Variants in GOPC observed in about 807,000 individuals in gnomAD.
GOPC encodes the protein golgi associated PDZ and coiled-coil motif containing, also known as Golgi-associated PDZ and coiled-coil motif-containing protein.
GOPC carries 32 observed loss-of-function variants against 51.2 expected under a neutral mutation model. The observed-to-expected ratio is 0.63, with a 90% CI of 0.47 to 0.84. GOPC has a LOEUF of 0.84. Among genes scored for constraint, GOPC ranks in the 40% least tolerant of loss-of-function variants. The pLI is 0.00. For missense variants in GOPC, 441 were observed against 555.5 expected (o/e 0.79, Z 2.07); for synonymous variants, 190 against 205.1 (o/e 0.93, Z 0.63).
chr6:117,589,572 A>T (rs1395567411), intron 1 of GOPC, among the ~76,000 whole-genome samples: 3 of 151,978 alleles, frequency 2.0e-5, no homozygotes, highest in Admixed American at 2.0e-4. Flanking sequence ...CGCCCACCTC[A>T]GCTTCCCAAA....
intron 1 of GOPC, among the ~76,000 whole-genome samples, chr6:117,584,879 C>A (rs1780007693): frequency 6.6e-6 from 1 of 151,494 alleles, no homozygotes; most frequent in African/African-American, 2.4e-5. Flanking sequence ...GTGACCTCCC[C>A]CACCTTACTC....
At position 117,569,749 on chromosome 6, in the gene GOPC, A is replaced by G. The variant is rs749883560; in HGVS notation, c.913-13T>C. ...GTTCTTTCCCACCCTAACAACAACAAAGGGCAGTAAATTAAAGTACTCTTT... is the reference window on the plus strand; with the variant it reads ...GTTCTTTCCCACCCTAACAACAACAGAGGGCAGTAAATTAAAGTACTCTTT... On this transcript the variant is annotated splice_polypyrimidine_tract_variant and intron_variant, in intron 6 of 8. Transcript: ENST00000368498. 5.1e-6 allele frequency: 8 copies of G among 1,563,388 alleles called. No individual in the cohort carries two copies. The Admixed American group carries it at 1.5e-4, about 29-fold the overall frequency.
intron 3 of GOPC, 112 bp downstream of exon 3, chr6:117,577,336 C>A: frequency 1.0e-6 from 1 of 959,166 alleles, no homozygotes; most frequent in Non-Finnish European, 1.6e-6. Flanking sequence ...AAAAAATTGC[C>A]ATTATTAATG....
Position 117,600,913 on chromosome 6 carries a change from A to G in GOPC, c.285+1091T>C, listed in dbSNP as rs1771994252. 1.3e-5 allele frequency among the ~76,000 whole-genome samples: 2 copies of G among 152,348 alleles called. 1 individual carries two copies. Among genetic ancestry groups the G allele is most frequent in the African/African-American group, 4.8e-5 (2 of 41,590 alleles). On this transcript the variant is annotated intron_variant, in intron 1 of 8. Transcript: ENST00000368498. ...TTGGATATGTAAATCTATGTTAATC[A>G]AAGATTAATTATGCCACATATTTCA... is the stretch of plus-strand genomic sequence containing the variant.
At chr6:117,568,026 C>CAAAAAAAAAAA (rs779227271) in intron 7 of GOPC, among the ~76,000 whole-genome samples, 1 of 46,660 alleles carries the variant, frequency 2.1e-5, no homozygotes. Flanking sequence ...CCCATCTCTA[C>CAAAAAAAAAAA]AAAAAAAAAA....
intron 3 of GOPC, among the ~76,000 whole-genome samples, chr6:117,576,581 TTTC>T (rs1779883581): frequency 1.3e-5 from 2 of 152,240 alleles, no homozygotes; most frequent in Admixed American, 1.3e-4. Flanking sequence ...GATTACCTAC[TTTC>T]AATTACTTTA....
intron 1 of GOPC, among the ~76,000 whole-genome samples, chr6:117,598,849 G>A (rs1771934169): frequency 6.6e-6 from 1 of 152,166 alleles, no homozygotes; most frequent in African/African-American, 2.4e-5. Context: ...ACCATAAGAT[G>A]ATTACAGTTA....
At chr6:117,577,529 T>C in intron 2 of GOPC, 58 bp from the exon 3 acceptor site, 2 of 1,376,138 alleles carry the variant, frequency 1.5e-6, no homozygotes, top group Non-Finnish European at 2.0e-6. Flanking sequence ...ATGATTTTAT[T>C]TAGTGGTATA....
chr6:117,565,118 A>T (rs1416952481), intron 8 of GOPC, among the ~76,000 whole-genome samples: 1 of 152,220 alleles, frequency 6.6e-6, no homozygotes, highest in African/African-American at 2.4e-5. Flanking sequence ...ATAAATCCAG[A>T]AGGTTAATAT....
At chr6:117,593,738 G>A (rs1272289563) in intron 1 of GOPC, among the ~76,000 whole-genome samples, 1 of 152,192 alleles carries the variant, frequency 6.6e-6, no homozygotes, top group African/African-American at 2.4e-5. Flanking sequence ...GATCAATAAA[G>A]TTGGCAATAT....
chr6:117,566,847 T>C lies in GOPC; in HGVS notation c.1258+7A>G, dbSNP rs747709071. Reference sequence around the variant, plus strand: ...ATGTTAATAATAATTTTTAGAGTGATTTTTACCTTGTAATACTTTGATTTC... The same window carrying C: ...ATGTTAATAATAATTTTTAGAGTGACTTTTACCTTGTAATACTTTGATTTC... On this transcript the variant is annotated splice_region_variant and intron_variant, in intron 8 of 8. Transcript: ENST00000368498. The C allele has an allele frequency of 6.5e-6, 10 of 1,535,108 alleles. No homozygotes were observed. The South Asian group carries it at 1.3e-4, about 20-fold the overall frequency.
In GOPC at chr6:117,561,947, A is replaced by G. The variant is rs1351216872; in HGVS notation, c.*1307T>C. ...ATCACATAACATCTGAATACCAGAA[A>G]TGAAGATACTGATAATATTCTAAAA... On this transcript the variant is annotated 3_prime_UTR_variant, in exon 9 of 9. Coordinates refer to ENST00000368498, the MANE Select transcript of GOPC (RefSeq NM_020399.4). 2 of 208,332 alleles carry G rather than the reference A, an allele frequency of 9.6e-6. No homozygotes were observed. Among genetic ancestry groups the G allele is most frequent in the African/African-American group, 4.5e-5 (2 of 43,994 alleles). The allele number at this position is 208,332 out of a possible 1,614,324, so 12.9% of individuals were successfully genotyped here.
At position 117,577,443 on chromosome 6, in the gene GOPC, C is replaced by G; in HGVS notation, c.474+5G>C. The G allele has an allele frequency of 1.2e-6, 2 of 1,605,456 alleles. No individual in the cohort carries two copies. Among genetic ancestry groups the G allele is most frequent in the Non-Finnish European group, 1.7e-6 (2 of 1,175,958 alleles). On this transcript the variant is annotated splice_donor_5th_base_variant and intron_variant, in intron 3 of 8. Coordinates refer to ENST00000368498, the MANE Select transcript of GOPC (RefSeq NM_020399.4). ...ATTAAAGCAAAACAGAAACAATATA[C>G]TTACCAGCTCCTCCACAGAGGGGCC...
At chr6:117,567,066 G>C in intron 7 of GOPC, 32 bp from the exon 8 acceptor site, 11 of 1,489,416 alleles carry the variant, frequency 7.4e-6, no homozygotes, top group Non-Finnish European at 9.9e-6. Context: ...AGAAAGTCAA[G>C]TTATTGTAAT....
chr6:117,582,879 G>T (rs1779980664), intron 1 of GOPC, among the ~76,000 whole-genome samples: 1 of 151,774 alleles, frequency 6.6e-6, no homozygotes, highest in African/African-American at 2.4e-5. Context: ...TACCCAAAAA[G>T]GCTATCACAC....
rs1048279515 is a variant in GOPC at position 117,562,431 on chromosome 6, T to C, written c.*823A>G. ...AACTTTATGAACAACTCAAAATGTA[T>C]AAAACTGTCTTTTGTGGACCCCAGA... is the stretch of plus-strand genomic sequence containing the variant. On this transcript the variant is annotated 3_prime_UTR_variant, in exon 9 of 9. Transcript: ENST00000368498. The C allele has an allele frequency of 3.0e-5, 6 of 201,864 alleles. No individual in the cohort carries two copies. Among genetic ancestry groups the C allele is most frequent in the African/African-American group, 1.4e-4 (6 of 43,632 alleles). 12.5% of individuals were successfully genotyped at this position (201,864 alleles called of 1,614,324 possible). A position where few individuals can be genotyped will look rare whatever the true frequency, so the allele number is the denominator to read the frequency against.
Position 117,576,202 on chromosome 6 carries a change from C to T in GOPC, c.475-850G>A, listed in dbSNP as rs549251659. Among the ~76,000 whole-genome samples the T allele has an allele frequency of 1.2e-3, 175 of 151,778 alleles. 3 individuals are homozygous for T. The South Asian group carries it at 0.033, about 29-fold the overall frequency. ...ACATACAAGCTAAAATTAATGACAA[C>T]TACTAAATGCTAGATATATTTATCA... On this transcript the variant is annotated intron_variant, in intron 3 of 8. Coordinates refer to ENST00000368498, the MANE Select transcript of GOPC (RefSeq NM_020399.4).
At chr6:117,581,246 G>C (rs1304164957) in intron 1 of GOPC, among the ~76,000 whole-genome samples, 5 of 152,152 alleles carry the variant, frequency 3.3e-5, no homozygotes, top group African/African-American at 4.8e-5. Flanking sequence ...CCAAGAGGTA[G>C]AAGAAAAGAA....
intron 1 of GOPC, among the ~76,000 whole-genome samples, chr6:117,593,079 C>T (rs940212414): frequency 1.3e-5 from 2 of 152,268 alleles, no homozygotes; most frequent in Admixed American, 6.5e-5. Context: ...ACCGGTTGCA[C>T]CATAATTTAT....
Sources: allele counts gnomAD v4.1 joint callset (sites outside exome capture counted in the v4.1 genomes callset), GRCh38; gene constraint gnomAD v4.1.1; transcripts MANE v1.5; gene names NCBI Gene and HGNC (gene_info 2026-07-23, HGNC 2026-07-21).